FGD5: variants seen among roughly 807,000 people sequenced by gnomAD.
FGD5 encodes FYVE, RhoGEF and PH domain containing 5.
In FGD5, 28 loss-of-function variants were observed where a neutral mutation model predicts 133.4. The ratio of observed to expected loss-of-function variants is 0.21; its 90% CI spans 0.16 to 0.29. The LOEUF (loss-of-function observed/expected upper bound fraction) is 0.29. FGD5 is among the 10% of genes least tolerant of loss of function. The probability of loss-of-function intolerance (pLI) is 1.00; values close to 1 mark genes in which losing one functional copy is unlikely to be tolerated. For missense variants in FGD5, 1,858 were observed against 1,895.2 expected (o/e 0.98, Z 0.36); for synonymous variants, 810 against 776.5 (o/e 1.04, Z -0.72).
intron 4 of FGD5, among the ~76,000 whole-genome samples, chr3:14,896,471 C>CTT (rs201631646): frequency 2.4e-4 from 35 of 148,446 alleles, no homozygotes; most frequent in African/African-American, 7.2e-4. Context: ...CCAGATGTAA[C>CTT]TTTTTTTTTT....
chr3:14,877,630 C>A (rs567889448), intron 2 of FGD5, among the ~76,000 whole-genome samples: 1 of 152,148 alleles, frequency 6.6e-6, no homozygotes, highest in Non-Finnish European at 1.5e-5. Context: ...ATCTTGACTT[C>A]CAGCATAGTT....
intron 1 of FGD5, among the ~76,000 whole-genome samples, chr3:14,853,321 A>G (rs1188703233): frequency 6.6e-6 from 1 of 152,090 alleles, no homozygotes; most frequent in East Asian, 1.9e-4. Flanking sequence ...GAGGGTTTAG[A>G]AATCCCTATC....
chr3:14,853,110 C>G (rs796212330), intron 1 of FGD5, among the ~76,000 whole-genome samples: 2 of 152,092 alleles, frequency 1.3e-5, no homozygotes. Flanking sequence ...ATCACATTTG[C>G]GCTGTGCTTT....
intron 4 of FGD5, among the ~76,000 whole-genome samples, chr3:14,888,823 T>A (rs2037971519): frequency 6.6e-6 from 1 of 152,202 alleles, no homozygotes; most frequent in South Asian, 2.1e-4. Context: ...AGAAGGGGAT[T>A]CATAGAAAGC....
chr3:14,822,105 A>T (rs529315916), intron 1 of FGD5, among the ~76,000 whole-genome samples: 1 of 151,706 alleles, frequency 6.6e-6, no homozygotes, highest in Non-Finnish European at 1.5e-5. Context: ...TCTAAAAAAA[A>T]TAAAAAAAAA....
chr3:14,922,993 G>T lies in FGD5; in HGVS notation c.3808-53G>T. Reference sequence around the variant, plus strand: ...GAGGGAGCGGAGGGGAGGGGTGCAGGTCTCCTTTGCATGCACTGAGAGGGG... The same window carrying T: ...GAGGGAGCGGAGGGGAGGGGTGCAGTTCTCCTTTGCATGCACTGAGAGGGG... On this transcript the variant is annotated intron_variant, in intron 15 of 19. Coordinates refer to ENST00000285046, the MANE Select transcript of FGD5 (RefSeq NM_152536.4). The surrounding 1 kb of genome is among the most constrained non-coding windows in gnomAD (Gnocchi z 4.1). The T allele has an allele frequency of 1.2e-6, 2 of 1,610,768 alleles. No individual in the cohort carries two copies. The highest frequency in any genetic ancestry group is 1.7e-6 in the Non-Finnish European group (2 of 1,177,734).
chr3:14,843,217 C>T (rs985577879), intron 1 of FGD5, among the ~76,000 whole-genome samples: 3 of 152,128 alleles, frequency 2.0e-5, no homozygotes, highest in South Asian at 2.1e-4. Context: ...AAACTTGGCA[C>T]AGTACTTGGC....
intron 10 of FGD5, 77 bp from the exon 11 acceptor site, chr3:14,910,784 A>G (rs1051494135): frequency 1.5e-5 from 20 of 1,378,554 alleles, no homozygotes; most frequent in Middle Eastern, 3.6e-4. Context: ...GTTTCCACTC[A>G]GGGGCCTCCC....
At chr3:14,901,124 C>A in intron 9 of FGD5, 63 bp downstream of exon 9, 2 of 1,568,514 alleles carry the variant, frequency 1.3e-6, no homozygotes, top group Non-Finnish European at 1.8e-6. Flanking sequence ...CCACCAGCTC[C>A]GGTCAGCCTT....
In FGD5 at chr3:14,821,528, C is replaced by T. The variant is rs765575763; in HGVS notation, c.2457C>T (p.Gly819=). Residue 819 remains glycine (G), a synonymous_variant, in exon 1 of 20, where the codon GGC becomes GGT. Coordinates refer to ENST00000285046, the MANE Select transcript of FGD5 (RefSeq NM_152536.4). ...TGTCCACAGCAAACGAAAATGATGGCTACGTGGACATGAGCAGCTTCAACG... is the reference window on the plus strand; with the variant it reads ...TGTCCACAGCAAACGAAAATGATGGTTACGTGGACATGAGCAGCTTCAACG... The part of the protein sequence containing the change: ...RALSTANEND[G]YVDMSSFNAF... The T allele has an allele frequency of 6.2e-7, 1 of 1,613,872 alleles. No individual in the cohort carries two copies. Among genetic ancestry groups the T allele is most frequent in the Non-Finnish European group, 8.5e-7 (1 of 1,179,832 alleles).
rs1360841698 is a variant in FGD5, at chr3:14,921,981, G to A, written c.3633G>A (p.Lys1211=). ...GCAGAGCCCTCCCTGAGGACTACAA[G>A]GCCCAGGCGCTGGCTGCATTCCACC... The part of the protein sequence containing the change: ...CLSRALPEDY[K]AQALAAFHHS... Residue 1211 remains lysine (K), a synonymous_variant, in exon 14 of 20, where the codon AAG becomes AAA. Coordinates refer to ENST00000285046, the MANE Select transcript of FGD5 (RefSeq NM_152536.4). The A allele has an allele frequency of 6.4e-7, 1 of 1,569,804 alleles. No individual in the cohort carries two copies. Among genetic ancestry groups the A allele is most frequent in the Non-Finnish European group, 8.6e-7 (1 of 1,157,364 alleles).
rs990883646 is a variant in FGD5, at chr3:14,918,849, G to A, written c.3569+16G>A. The A allele has an allele frequency of 6.2e-7, 1 of 1,613,692 alleles. No individual in the cohort carries two copies. ...TGTCTGCGAGGTACGGGCAGGTGGA[G>A]GGAGGATGGCGCACAAGGCAGAGGT... is the stretch of plus-strand genomic sequence containing the variant. On this transcript the variant is annotated intron_variant, in intron 13 of 19. Transcript: ENST00000285046.
rs2038915400 is a variant in FGD5 at position 14,932,474 on chromosome 3, C to G, written c.4198-103C>G. The G allele has an allele frequency of 4.4e-6, 6 of 1,373,260 alleles. No individual in the cohort carries two copies. The East Asian group carries it at 1.5e-4, about 34-fold the overall frequency. 85.1% of individuals were successfully genotyped at this position (1,373,260 alleles called of 1,614,324 possible). ...GTGAGCCCGAAGGTGCCAAAGCACA[C>G]CCCACACAGAGGCACTCTTCACGCA... On this transcript the variant is annotated intron_variant, in intron 18 of 19. Transcript: ENST00000285046.
chr3:14,889,546 C>T (rs1360887907), intron 4 of FGD5, among the ~76,000 whole-genome samples: 1 of 152,166 alleles, frequency 6.6e-6, no homozygotes, highest in Admixed American at 6.5e-5. Flanking sequence ...GTCATTTCTC[C>T]TTGGTATTTA....
At chr3:14,836,216 A>G (rs2036814076) in intron 1 of FGD5, among the ~76,000 whole-genome samples, 1 of 152,200 alleles carries the variant, frequency 6.6e-6, no homozygotes, top group Admixed American at 6.5e-5. Flanking sequence ...ACAAGAGAGA[A>G]GGGTGATGTC....
intron 4 of FGD5, among the ~76,000 whole-genome samples, chr3:14,883,407 C>T (rs781444978): frequency 6.6e-6 from 1 of 152,156 alleles, no homozygotes; most frequent in Admixed American, 6.5e-5. Context: ...AATCTCTACC[C>T]GTCCACCTAG....
At chr3:14,878,682 A>G (rs890713275) in intron 2 of FGD5, among the ~76,000 whole-genome samples, 1 of 151,954 alleles carries the variant, frequency 6.6e-6, no homozygotes, top group African/African-American at 2.4e-5. Flanking sequence ...TGTTCAACAA[A>G]TAAGAGTTAG....
intron 18 of FGD5, among the ~76,000 whole-genome samples, chr3:14,927,038 G>C (rs2038816231): frequency 6.6e-6 from 1 of 152,190 alleles, no homozygotes; most frequent in Non-Finnish European, 1.5e-5. Context: ...AACTGTGAAG[G>C]TTGCCGTGTG....
In FGD5 at chr3:14,922,449, C is replaced by G. The variant is rs377460665; in HGVS notation, c.3708C>G (p.Pro1236=). The G allele has an allele frequency of 3.6e-5, 56 of 1,571,108 alleles. No homozygotes were observed. In the African/African-American group the frequency reaches 6.9e-4, roughly 19 times the overall value. ...TGGGGGTTAGCCTTGGGGAGAGGCC[C>G]CCCACCCTGGTGCCTGTCACACACG... ...ERLGVSLGER[P]PTLVPVTHVM... Residue 1236 remains proline, a synonymous_variant, in exon 15 of 20, where the codon CCC becomes CCG. Transcript: ENST00000285046. The surrounding 1 kb of genome is among the most constrained non-coding windows in gnomAD (Gnocchi z 4.1).
Sources: gnomAD v4.1 joint callset for allele counts (sites outside exome capture counted in the v4.1 genomes callset) on GRCh38, gnomAD v4.1.1 for gene constraint, Gnocchi (gnomAD v3.1) non-coding constraint, MANE v1.5 for transcripts, NCBI Gene and HGNC (gene_info 2026-07-23, HGNC 2026-07-21) for gene names.